CENPV: variants seen among roughly 807,000 people sequenced by gnomAD.
The protein encoded by CENPV is centromere protein V.
In CENPV, 15 loss-of-function variants were observed where a neutral mutation model predicts 26.4. That is an observed-to-expected ratio of 0.57 (90% CI 0.38 to 0.88). The LOEUF is 0.88. Among genes scored for constraint, CENPV ranks in the 40% least tolerant of loss-of-function variants. CENPV has a pLI of 0.00. For synonymous variants in CENPV, 172 were observed against 165.5 expected, an observed-to-expected ratio of 1.04 and a Z score of -0.30; for missense variants, 336 against 376.5, an observed-to-expected ratio of 0.89 and a Z score of 0.89.
intron 3 of CENPV, among the ~76,000 whole-genome samples, chr17:16,346,094 C>T (rs960543052): frequency 2.6e-5 from 4 of 152,084 alleles, no homozygotes; most frequent in African/African-American, 7.2e-5. Flanking sequence ...AAATCAAAGC[C>T]GTTAACATGG....
In CENPV at chr17:16,353,438, G is replaced by C. The variant is rs997655810; in HGVS notation, c.-2C>G. ...CGCAGAGCTCCTCGATCGCCGCATG[G>C]CTCCCGCAGCCTGGCGCGCAGGCCT... is the stretch of plus-strand genomic sequence containing the variant. On this transcript the variant is annotated 5_prime_UTR_variant, in exon 1 of 5. Coordinates refer to ENST00000299736, the MANE Select transcript of CENPV (RefSeq NM_181716.3). The C allele has an allele frequency of 4.5e-5, 51 of 1,140,476 alleles. No homozygotes were observed. The highest frequency in any genetic ancestry group is 5.4e-5 in the Non-Finnish European group (50 of 931,028). The allele number at this position is 1,140,476 out of a possible 1,614,324, so 70.6% of individuals were successfully genotyped here. A position where few individuals can be genotyped will look rare whatever the true frequency, so the allele number is the denominator to read the frequency against.
At chr17:16,344,957 CA>C (rs1301143658) in intron 3 of CENPV, among the ~76,000 whole-genome samples, 1 of 151,666 alleles carries the variant, frequency 6.6e-6, no homozygotes, top group Non-Finnish European at 1.5e-5. Context: ...ATTTTTAGTA[CA>C]GACAGGGTTT....
At chr17:16,350,362 GA>G (rs2093223963) in intron 1 of CENPV, among the ~76,000 whole-genome samples, 1 of 109,314 alleles carries the variant, frequency 9.1e-6, no homozygotes, top group Non-Finnish European at 1.9e-5. Flanking sequence ...TTTTTTTTTT[GA>G]GATGGAGTCT....
At chr17:16,349,548 C>A in intron 2 of CENPV, 4 of 1,001,992 alleles carry the variant, frequency 4.0e-6, no homozygotes, top group Non-Finnish European at 4.8e-6. Context: ...CCTTTACTAA[C>A]ATACCCTCCA....
At chr17:16,343,770 C>T (rs1249193948) in intron 4 of CENPV, among the ~76,000 whole-genome samples, 6 of 151,608 alleles carry the variant, frequency 4.0e-5, no homozygotes, top group Admixed American at 1.3e-4. Context: ...CTGCCTCCCC[C>T]ACCTCCCCTG....
rs1284017259 is a variant in CENPV, at chr17:16,353,264, G to T, written c.173C>A (p.Ser58Ter). 3 of 1,419,046 alleles carry T rather than the reference G, an allele frequency of 2.1e-6. No homozygotes were observed. The highest frequency in any genetic ancestry group is 2.8e-6 in the Non-Finnish European group (3 of 1,087,108). 87.9% of individuals were successfully genotyped at this position (1,419,046 alleles called of 1,614,324 possible). A position where few individuals can be genotyped will look rare whatever the true frequency, so the allele number is the denominator to read the frequency against. Residue 58 changes from serine (S) to a stop codon, truncating the protein, a stop_gained, in exon 1 of 5, where the codon TCG becomes TAG. Coordinates refer to ENST00000299736, the MANE Select transcript of CENPV (RefSeq NM_181716.3). LOFTEE classifies it high-confidence loss of function. ...CGAGCGCCTCAGCCGCGGCTTCTCCGACGGCGGCTTCTCCACCGCCTGGCT... is the reference window on the plus strand; with the variant it reads ...CGAGCGCCTCAGCCGCGGCTTCTCCTACGGCGGCTTCTCCACCGCCTGGCT... ...SKSQAVEKPP[S>*]EKPRLRRSSP...
intron 4 of CENPV, 58 bp downstream of exon 4, chr17:16,344,539 A>G: frequency 2.0e-6 from 2 of 980,016 alleles, no homozygotes; most frequent in East Asian, 2.8e-5. Flanking sequence ...ACTTTAAATG[A>G]GAGCACCATG....
In CENPV at chr17:16,347,296, A is replaced by G. The variant is rs575734781; in HGVS notation, c.579+1320T>C. Among the ~76,000 whole-genome samples the G allele has an allele frequency of 7.0e-4, 107 of 152,176 alleles. 2 individuals carry two copies. In the South Asian group the frequency reaches 0.022, roughly 31 times the overall value. ...ACCCTCTTTACGCTTCCCCAGCCAT[A>G]CCGTCCAGAATTGTGCTTCCTATAG... On this transcript the variant is annotated intron_variant, in intron 3 of 4. Coordinates refer to ENST00000299736, the MANE Select transcript of CENPV (RefSeq NM_181716.3).
At chr17:16,351,693 CAA>C (rs1371457302) in intron 1 of CENPV, 1 of 152,138 alleles carries the variant, frequency 6.6e-6, no homozygotes. Context: ...TTTATAAGTA[CAA>C]AGTCATGGCA....
chr17:16,343,126 A>C (rs1271565299), intron 4 of CENPV, among the ~76,000 whole-genome samples, 185 bp from the exon 5 acceptor site: 1 of 152,172 alleles, frequency 6.6e-6, no homozygotes, highest in Non-Finnish European at 1.5e-5. Context: ...CTCGGAAAGC[A>C]CTGGCTCCAG....
At position 16,353,377 on chromosome 17, in the gene CENPV, G is replaced by A. The variant is rs902476817; in HGVS notation, c.60C>T (p.Ala20=). The change falls in exon 1 of 5, where the codon GCC becomes GCT. Residue 20 remains alanine, a synonymous_variant. Coordinates refer to ENST00000299736, the MANE Select transcript of CENPV (RefSeq NM_181716.3). ...AKLRGQKRSG[A]SAAPAASAAA... is the part of the protein sequence containing the mutation. ...CCGCGGAGGCCGCGGGGGCCGCGGA[G>A]GCCCCGGACCGCTTCTGCCCGCGCA... 123 of 1,230,466 alleles carry A rather than the reference G, an allele frequency of 1.0e-4. No homozygotes were observed. In the African/African-American group the frequency reaches 1.8e-3, roughly 18 times the overall value. 76.2% of individuals were successfully genotyped at this position (1,230,466 alleles called of 1,614,324 possible).
rs1600912059 is a variant in CENPV, at chr17:16,353,189, A to G, written c.248T>C (p.Leu83Pro). The change falls in exon 1 of 5, where the codon CTG becomes CCG. Residue 83 changes from leucine to proline, a missense_variant. Physicochemically the swap from Leu to Pro is moderately conservative, Grantham distance 98 (BLOSUM62 -3). This residue lies in a region of CENPV where 181 missense variants were observed against 148.8 expected (regional missense o/e 1.22). Coordinates refer to ENST00000299736, the MANE Select transcript of CENPV (RefSeq NM_181716.3). ...EGPGEPPPPELALLPPPPPPP... is the reference protein window; with the variant it reads ...EGPGEPPPPEPALLPPPPPPP... ...CGGCGGCGGTGGCGGGAGCAACGCC[A>G]GCTCAGGCGGCGGCGGCTCCCCCGG... is the stretch of plus-strand genomic sequence containing the variant. The G allele has an allele frequency of 1.4e-6, 2 of 1,382,002 alleles. No individual in the cohort carries two copies. Among genetic ancestry groups the G allele is most frequent in the South Asian group, 1.7e-5 (1 of 60,024 alleles). The allele number at this position is 1,382,002 out of a possible 1,614,324, so 85.6% of individuals were successfully genotyped here. A position where few individuals can be genotyped will look rare whatever the true frequency, so the allele number is the denominator to read the frequency against.
chr17:16,353,012 G>GC lies in CENPV; in HGVS notation c.410+14dup, dbSNP rs2093234346. 2 of 1,538,714 alleles carry GC rather than the reference G, an allele frequency of 1.3e-6. No individual in the cohort carries two copies. Among genetic ancestry groups the GC allele is most frequent in the African/African-American group, 2.9e-5 (2 of 69,996 alleles). ...GTGGCAACGGCTCCCGCGCCCCCCG[G>GC]CCCGCCGCACTCACAAGGTGTCTAG... On this transcript the variant is annotated intron_variant, in intron 1 of 4. Coordinates refer to ENST00000299736, the MANE Select transcript of CENPV (RefSeq NM_181716.3).
At chr17:16,343,830 C>T (rs2093193362) in intron 4 of CENPV, among the ~76,000 whole-genome samples, 1 of 151,230 alleles carries the variant, frequency 6.6e-6, no homozygotes. Context: ...CATAGCTGCT[C>T]TCGCAGCTCT....
intron 3 of CENPV, 98 bp downstream of exon 3, chr17:16,348,518 C>T: frequency 6.3e-7 from 1 of 1,581,542 alleles, no homozygotes; most frequent in Non-Finnish European, 8.6e-7. Flanking sequence ...CTCCAGGCCC[C>T]TCCCATGCTA....
chr17:16,352,713 C>T (rs2093233223), intron 1 of CENPV, among the ~76,000 whole-genome samples: 1 of 152,202 alleles, frequency 6.6e-6, no homozygotes, highest in Admixed American at 6.5e-5. Flanking sequence ...CAGCAAGAGA[C>T]AACGTCCCCG....
chr17:16,346,772 A>C (rs2093208411), intron 3 of CENPV, among the ~76,000 whole-genome samples: 1 of 152,020 alleles, frequency 6.6e-6, no homozygotes, highest in African/African-American at 2.4e-5. Flanking sequence ...AGCAAGGTAT[A>C]AAACAACGTA....
chr17:16,349,665 A>G, intron 2 of CENPV: 1 of 1,212,236 alleles, frequency 8.2e-7, no homozygotes, highest in South Asian at 2.5e-5. Context: ...CAGCAGTGTC[A>G]GTCTGAGGGT....
chr17:16,350,530 A>C (rs556071641), intron 1 of CENPV: 38 of 153,468 alleles, frequency 2.5e-4, no homozygotes, highest in African/African-American at 8.4e-4. Context: ...TTTAGTAGAG[A>C]TAGGGCTTCA....
Sources: allele counts gnomAD v4.1 joint callset (sites outside exome capture counted in the v4.1 genomes callset), GRCh38; gene constraint gnomAD v4.1.1; regional missense constraint gnomAD v4.1.1; transcripts MANE v1.5; gene names NCBI Gene and HGNC (gene_info 2026-07-23, HGNC 2026-07-21).